The following AGBL4 variants were observed in gnomAD, a reference collection of about 807,000 sequenced individuals.
AGBL4 encodes the protein AGBL carboxypeptidase 4.
A neutral mutation model predicts 66.4 loss-of-function variants in AGBL4; 58 were observed. That is an observed-to-expected ratio of 0.87 (90% CI 0.71 to 1.09). The LOEUF (loss-of-function observed/expected upper bound fraction) is 1.09, where lower values mean the gene tolerates loss of function less well. Ranked by LOEUF, AGBL4 falls within the 50% of genes least tolerant of loss-of-function variation. AGBL4 has a pLI of 0.00. For synonymous variants in AGBL4, 234 were observed against 222.9 expected, an observed-to-expected ratio of 1.05 and a Z score of -0.44; for missense variants, 579 against 631.0, an observed-to-expected ratio of 0.92 and a Z score of 0.88.
chr1:49,576,103 C>G (rs1223129877), intron 3 of AGBL4, among the ~76,000 whole-genome samples: 2 of 152,286 alleles, frequency 1.3e-5, no homozygotes, highest in East Asian at 1.9e-4. Context: ...GAGATATTCC[C>G]TTTAAGGTGA....
chr1:49,260,621 C>A (rs931076529), intron 3 of AGBL4, among the ~76,000 whole-genome samples: 1 of 152,104 alleles, frequency 6.6e-6, no homozygotes, highest in Non-Finnish European at 1.5e-5. Context: ...GAAGTTGAAT[C>A]TCTGAATAGA....
chr1:48,782,188 C>T (rs147776172), intron 6 of AGBL4, among the ~76,000 whole-genome samples: 70 of 152,350 alleles, frequency 4.6e-4, no homozygotes, highest in Middle Eastern at 3.4e-3. Context: ...ACTGTCCTGT[C>T]TCACCCCTCC....
chr1:49,566,026 C>A, intron 3 of AGBL4, among the ~76,000 whole-genome samples: 1 of 152,144 alleles, frequency 6.6e-6, no homozygotes, highest in East Asian at 1.9e-4. Flanking sequence ...CTCTAAACTT[C>A]TCTTCATGCT....
intron 5 of AGBL4, among the ~76,000 whole-genome samples, chr1:48,941,821 A>T (rs1001771906): frequency 1.3e-5 from 2 of 152,208 alleles, no homozygotes; most frequent in African/African-American, 4.8e-5. Flanking sequence ...TTGCTTACTC[A>T]AAGTCATGTA....
chr1:49,425,230 T>C (rs1161916899), intron 3 of AGBL4, among the ~76,000 whole-genome samples: 5 of 152,174 alleles, frequency 3.3e-5, no homozygotes, highest in Admixed American at 3.3e-4. Context: ...TGAGTCACAA[T>C]GCTGAAATAA....
At chr1:49,050,700 G>C (rs1644192596) in intron 4 of AGBL4, among the ~76,000 whole-genome samples, 1 of 152,114 alleles carries the variant, frequency 6.6e-6, no homozygotes, top group Non-Finnish European at 1.5e-5. Context: ...GTATAGAGAA[G>C]TGAGGCCTAG....
At chr1:49,289,771 G>A (rs929821089) in intron 3 of AGBL4, among the ~76,000 whole-genome samples, 12 of 151,858 alleles carry the variant, frequency 7.9e-5, no homozygotes, top group South Asian at 2.1e-4. Context: ...AGAAGAAAGG[G>A]TAAAATAAAT....
intron 6 of AGBL4, among the ~76,000 whole-genome samples, chr1:48,682,340 A>T (rs984553248): frequency 6.6e-6 from 1 of 152,176 alleles, no homozygotes; most frequent in South Asian, 2.1e-4. Flanking sequence ...GGATTTTGGG[A>T]AAAGACTCCC....
At chr1:48,539,840 A>T in intron 11 of AGBL4, 102 bp from the exon 12 acceptor site, 1 of 744,316 alleles carries the variant, frequency 1.3e-6, no homozygotes, top group Non-Finnish European at 2.0e-6. Flanking sequence ...ACAGTTACAC[A>T]CTCATTGTTC....
At chr1:48,571,305 C>T (rs915265792) in intron 11 of AGBL4, among the ~76,000 whole-genome samples, 15 of 152,274 alleles carry the variant, frequency 9.9e-5, no homozygotes, top group African/African-American at 3.4e-4. Context: ...CTCAAATCCC[C>T]GCATTCCTGG....
At chr1:48,694,269 A>C (rs1646681721) in intron 6 of AGBL4, among the ~76,000 whole-genome samples, 1 of 152,182 alleles carries the variant, frequency 6.6e-6, no homozygotes, top group Non-Finnish European at 1.5e-5. Flanking sequence ...GAGAGAGGAT[A>C]TGAATATCTG....
intron 2 of AGBL4, among the ~76,000 whole-genome samples, chr1:49,736,691 T>C (rs534566727): frequency 2.0e-4 from 30 of 152,216 alleles, no homozygotes; most frequent in Admixed American, 4.6e-4. Context: ...CTAAAGAGTT[T>C]CTGCACAGCA....
chr1:49,286,964 A>G (rs1449782999), intron 3 of AGBL4, among the ~76,000 whole-genome samples: 1 of 152,124 alleles, frequency 6.6e-6, no homozygotes, highest in Non-Finnish European at 1.5e-5. Flanking sequence ...TTCAAACTAT[A>G]CTACAAGGCT....
chr1:49,149,964 T>C (rs1006188280), intron 4 of AGBL4, among the ~76,000 whole-genome samples: 4 of 152,196 alleles, frequency 2.6e-5, no homozygotes, highest in African/African-American at 9.7e-5. Context: ...AATACCTAAG[T>C]ATCTTCTCTA....
At chr1:49,180,314 G>A (rs1413972225) in intron 4 of AGBL4, among the ~76,000 whole-genome samples, 1 of 152,068 alleles carries the variant, frequency 6.6e-6, no homozygotes, top group Non-Finnish European at 1.5e-5. Flanking sequence ...ACTTATCAAC[G>A]ACTAGCACAA....
chr1:49,180,603 A>G (rs1387795483), intron 4 of AGBL4, among the ~76,000 whole-genome samples: 1 of 152,186 alleles, frequency 6.6e-6, no homozygotes, highest in Admixed American at 6.5e-5. Flanking sequence ...TTAGTCCCTG[A>G]TCAACCATGG....
chr1:49,295,612 G>T (rs1644628599), intron 3 of AGBL4, among the ~76,000 whole-genome samples: 1 of 152,130 alleles, frequency 6.6e-6, no homozygotes, highest in African/African-American at 2.4e-5. Context: ...CAGTGAAAAA[G>T]ATGGCACTAG....
At chr1:48,716,750 G>T (rs542212259) in intron 6 of AGBL4, among the ~76,000 whole-genome samples, 5 of 152,298 alleles carry the variant, frequency 3.3e-5, no homozygotes, top group African/African-American at 1.2e-4. Context: ...TCAGTGGAAG[G>T]CTTGGGGCGA....
chr1:49,634,948 T>C (rs533542328), intron 3 of AGBL4, among the ~76,000 whole-genome samples: 1 of 152,296 alleles, frequency 6.6e-6, no homozygotes, highest in Admixed American at 6.5e-5. Flanking sequence ...AATTTGATGG[T>C]CTAAAATTCC....
Sources: gnomAD v4.1 joint callset for allele counts (sites outside exome capture counted in the v4.1 genomes callset) on GRCh38, gnomAD v4.1.1 for gene constraint, MANE v1.5 for transcripts, NCBI Gene and HGNC (gene_info 2026-07-23, HGNC 2026-07-21) for gene names.